The following ELK4 variants were observed in gnomAD, a reference collection of about 807,000 sequenced individuals.
The protein encoded by ELK4 is ETS transcription factor ELK4.
ELK4 carries 16 observed loss-of-function variants against 29.6 expected under a neutral mutation model. The observed-to-expected ratio is 0.54, with a 90% confidence interval of 0.37 to 0.82. The LOEUF is 0.82. Among genes scored for constraint, ELK4 ranks in the 40% least tolerant of loss-of-function variants. The probability of loss-of-function intolerance (pLI) is 0.00; values close to 1 mark genes in which losing one functional copy is unlikely to be tolerated. For synonymous variants in ELK4, 213 were observed against 191.1 expected, an observed-to-expected ratio of 1.11 and a Z score of -0.95; for missense variants, 465 against 507.1, an observed-to-expected ratio of 0.92 and a Z score of 0.80.
In ELK4 at chr1:205,612,253, A is replaced by G. The variant is rs1558018288; in HGVS notation, c.*4293T>C. The G allele has an allele frequency of 4.9e-6, 1 of 205,022 alleles. No individual in the cohort carries two copies. Among genetic ancestry groups the G allele is most frequent in the African/African-American group, 2.3e-5 (1 of 43,870 alleles). The allele number at this position is 205,022 out of a possible 1,614,324, so 12.7% of individuals were successfully genotyped here. On this transcript the variant is annotated 3_prime_UTR_variant, in exon 5 of 5. Coordinates refer to ENST00000357992, the MANE Select transcript of ELK4 (RefSeq NM_001973.4). ...AATCTCTAGGATTTCTCCATATATC[A>G]TAAGAGAGCATCATATATGTTTGGA...
intron 1 of ELK4, chr1:205,626,256 G>T: frequency 2.1e-6 from 1 of 467,910 alleles, no homozygotes. Flanking sequence ...CCTTATTCAG[G>T]ACCGGCACTT....
chr1:205,628,377 C>T (rs935664332), intron 1 of ELK4, among the ~76,000 whole-genome samples: 1 of 152,166 alleles, frequency 6.6e-6, no homozygotes, highest in Non-Finnish European at 1.5e-5. Flanking sequence ...TTATCTTAAG[C>T]CAAGAACTCA....
At chr1:205,619,871 A>C in intron 3 of ELK4, 95 bp downstream of exon 3, 1 of 1,613,726 alleles carries the variant, frequency 6.2e-7, no homozygotes. Context: ...AAACCTAAGT[A>C]ACAGAAAGCA....
intron 1 of ELK4, among the ~76,000 whole-genome samples, chr1:205,628,386 C>G: frequency 6.6e-6 from 1 of 152,226 alleles, no homozygotes; most frequent in East Asian, 1.9e-4. Context: ...GCCAAGAACT[C>G]AATTTCCACA....
intron 1 of ELK4, among the ~76,000 whole-genome samples, chr1:205,626,571 CA>C (rs368959060): frequency 0.01 from 1,502 of 146,332 alleles, 33 homozygotes; most frequent in African/African-American, 0.035. Flanking sequence ...AAGAAACCAC[CA>C]AAAAAAAAAT....
In ELK4 at chr1:205,625,744, T is replaced by A. The variant is rs1670442086; in HGVS notation, c.-9-1853A>T. On this transcript the variant is annotated intron_variant, in intron 1 of 4. Coordinates refer to ENST00000357992, the MANE Select transcript of ELK4 (RefSeq NM_001973.4). The stretch of plus-strand genomic sequence containing the variant: ...CCCAGGCTGGAGTGCAGTGGCGCAA[T>A]CTGGGCTCACTGCAACCTCCGCCTC... 7 of 678,858 alleles carry A rather than the reference T, an allele frequency of 1.0e-5. No individual in the cohort carries two copies. In the South Asian group the frequency reaches 1.1e-4, roughly 10 times the overall value. The allele number at this position is 678,858 out of a possible 1,614,324, so 42.1% of individuals were successfully genotyped here. A position where few individuals can be genotyped will look rare whatever the true frequency, so the allele number is the denominator to read the frequency against.
intron 3 of ELK4, chr1:205,619,704 T>C (rs1167945103): frequency 7.0e-7 from 1 of 1,434,508 alleles, no homozygotes; most frequent in African/African-American, 1.4e-5. Flanking sequence ...GTGTGTGTAC[T>C]TTCTTTAGGA....
intron 2 of ELK4, among the ~76,000 whole-genome samples, chr1:205,621,440 A>C (rs973600748): frequency 1.3e-5 from 2 of 152,226 alleles, no homozygotes; most frequent in Non-Finnish European, 2.9e-5. Context: ...ATATCTGTGC[A>C]GATTAGAACT....
At chr1:205,622,711 C>T (rs1670374040) in intron 2 of ELK4, among the ~76,000 whole-genome samples, 1 of 152,194 alleles carries the variant, frequency 6.6e-6, no homozygotes, top group South Asian at 2.1e-4. Context: ...AATTATGACA[C>T]ACATGAGAAT....
rs1670330702 is a variant in ELK4, at chr1:205,620,937, C to G, written c.208-99G>C. 10 of 1,325,622 alleles carry G rather than the reference C, an allele frequency of 7.5e-6. 1 individual carries two copies. The Admixed American group carries it at 2.7e-4, about 35-fold the overall frequency. 82.1% of individuals were successfully genotyped at this position (1,325,622 alleles called of 1,614,324 possible). The stretch of plus-strand genomic sequence containing the variant: ...ATCGGCCAGGCACAGTGGCTCATGC[C>G]TGTAATCCCAGCACTTTGGAAGGCC... On this transcript the variant is annotated intron_variant, in intron 2 of 4. Transcript: ENST00000357992.
rs925642858 is a variant in ELK4 at position 205,616,460 on chromosome 1, G to T, written c.*86C>A. 3 of 1,204,588 alleles carry T rather than the reference G, an allele frequency of 2.5e-6. No individual in the cohort carries two copies. The highest frequency in any genetic ancestry group is 3.0e-5 in the African/African-American group (2 of 66,524). 74.6% of individuals were successfully genotyped at this position (1,204,588 alleles called of 1,614,324 possible). On this transcript the variant is annotated 3_prime_UTR_variant, in exon 5 of 5. Coordinates refer to ENST00000357992, the MANE Select transcript of ELK4 (RefSeq NM_001973.4). ...ACAATAGTCTATTATCAGCATTGTA[G>T]AACTATCAATTGCTCACTTCAAATG...
At position 205,611,709 on chromosome 1, in the gene ELK4, T is replaced by C. The variant is rs1670152952; in HGVS notation, c.*4837A>G. 5.2e-6 allele frequency: 1 copy of C among 191,916 alleles called. No individual in the cohort carries two copies. The highest frequency in any genetic ancestry group is 1.1e-5 in the Non-Finnish European group (1 of 91,712). The allele number at this position is 191,916 out of a possible 1,614,324, so 11.9% of individuals were successfully genotyped here. ...ACTACATCATGAGTAGTATTTTAAC[T>C]TTCCTATTGGTTTGGTAATTCATTT... On this transcript the variant is annotated 3_prime_UTR_variant, in exon 5 of 5. Transcript: ENST00000357992.
intron 1 of ELK4, among the ~76,000 whole-genome samples, chr1:205,631,033 C>G (rs1006732659): frequency 6.6e-6 from 1 of 152,244 alleles, no homozygotes; most frequent in Non-Finnish European, 1.5e-5. Flanking sequence ...CCTTCCAAGG[C>G]CAGTTACTAT....
chr1:205,626,648 C>T (rs1183019635), intron 1 of ELK4, among the ~76,000 whole-genome samples: 2 of 152,112 alleles, frequency 1.3e-5, no homozygotes, highest in African/African-American at 2.4e-5. Flanking sequence ...TTCATGCCTA[C>T]TTGGAAGGCT....
At position 205,626,571 on chromosome 1, in the gene ELK4, C is replaced by CA. The variant is rs368959060; in HGVS notation, c.-9-2681dup. ...GGCACATCAATAAAGAAGAAACCAC[C>CA]AAAAAAAAAATGCTCTACATAATTA... On this transcript the variant is annotated intron_variant, in intron 1 of 4. Coordinates refer to ENST00000357992, the MANE Select transcript of ELK4 (RefSeq NM_001973.4). Among the ~76,000 whole-genome samples the CA allele has an allele frequency of 4.3e-3, 631 of 146,388 alleles. 4 individuals are homozygous for CA. Among genetic ancestry groups the CA allele is most frequent in the South Asian group, 0.013 (62 of 4,628 alleles).
At position 205,620,760 on chromosome 1, in the gene ELK4, T is replaced by A; in HGVS notation, c.286A>T (p.Met96Leu). The A allele has an allele frequency of 6.2e-7, 1 of 1,614,124 alleles. No homozygotes were observed. Residue 96 changes from methionine (M) to leucine (L), a missense_variant, in exon 3 of 5, where the codon ATG (methionine) becomes TTG (leucine). Transcript: ENST00000357992. ...SYPEILNMDP[M>L]TVGRIEGDCE... ...TCACCCTCAATCCTGCCCACTGTCA[T>A]TGGATCCATGTTCAAAATCTCTGGA... is the stretch of plus-strand genomic sequence containing the variant.
rs2102379055 is a variant in ELK4, at chr1:205,620,417, A to G, written c.629T>C (p.Ile210Thr). The change falls in exon 3 of 5, where the codon ATT becomes ACT. Residue 210 changes from isoleucine (I) to threonine (T), a missense_variant. Physicochemically the swap from Ile to Thr is moderately conservative, Grantham distance 89. This residue lies in a region of ELK4 where 385 missense variants were observed against 387.5 expected (regional missense o/e 0.99). Coordinates refer to ENST00000357992, the MANE Select transcript of ELK4 (RefSeq NM_001973.4). ...TGAAGATGGAGAAATACTTGGGCCA[A>G]TTGAAATGGTGGCAGCAACAGGTTC... Reference protein sequence around the residue: ...PVEPVAATISIGPSISPSSEE... With the variant: ...PVEPVAATISTGPSISPSSEE... 1.2e-6 allele frequency: 2 copies of G among 1,614,190 alleles called. No individual in the cohort carries two copies. The highest frequency in any genetic ancestry group is 2.7e-5 in the African/African-American group (2 of 75,058).
Position 205,631,612 on chromosome 1 carries a change from G to T in ELK4, c.-10+20C>A. 1 of 265,234 alleles carries T rather than the reference G, an allele frequency of 3.8e-6. No homozygotes were observed. Among genetic ancestry groups the T allele is most frequent in the Non-Finnish European group, 7.7e-6 (1 of 129,056 alleles). The allele number at this position is 265,234 out of a possible 1,614,324, so 16.4% of individuals were successfully genotyped here. A position where few individuals can be genotyped will look rare whatever the true frequency, so the allele number is the denominator to read the frequency against. ...TGTGGCCGCGAGATCCCGAGGGGGC[G>T]CGCGGGGCTGACCGCTCACCGACGC... On this transcript the variant is annotated intron_variant, in intron 1 of 4. Transcript: ENST00000357992.
chr1:205,631,601 C>G (rs1430669785), intron 1 of ELK4, 31 bp downstream of exon 1: 1 of 211,730 alleles, frequency 4.7e-6, no homozygotes, highest in Non-Finnish European at 9.5e-6. Flanking sequence ...GCCGCGAGAT[C>G]CCGAGGGGGC....
Sources: gnomAD v4.1 joint callset for allele counts (sites outside exome capture counted in the v4.1 genomes callset) on GRCh38, gnomAD v4.1.1 for gene constraint, gnomAD v4.1.1 regional missense constraint, MANE v1.5 for transcripts, NCBI Gene and HGNC (gene_info 2026-07-23, HGNC 2026-07-21) for gene names.